TBCK: variants seen among roughly 807,000 people sequenced by gnomAD.
TBCK encodes TBC1 domain containing kinase.
In TBCK, 99 loss-of-function variants were observed where a neutral mutation model predicts 113.4. That is an observed-to-expected ratio of 0.87 (90% CI 0.74 to 1.03). The LOEUF is 1.03. TBCK is among the 50% of genes least tolerant of loss of function. TBCK has a pLI of 0.00. For missense variants in TBCK, 1,045 were observed against 1,061.3 expected (o/e 0.98, Z 0.21); for synonymous variants, 369 against 370.8 (o/e 1.00, Z 0.05).
At chr4:106,217,162 C>G (rs979379480) in intron 19 of TBCK, among the ~76,000 whole-genome samples, 4 of 151,826 alleles carry the variant, frequency 2.6e-5, no homozygotes, top group Non-Finnish European at 5.9e-5. Flanking sequence ...TGACAAAATT[C>G]AACAACCCTT....
chr4:106,125,013 A>T (rs1296837910), intron 23 of TBCK, among the ~76,000 whole-genome samples: 1 of 150,994 alleles, frequency 6.6e-6, no homozygotes, highest in African/African-American at 2.5e-5. Flanking sequence ...AAAAAAAAAA[A>T]AACACAATGT....
intron 24 of TBCK, among the ~76,000 whole-genome samples, chr4:106,112,744 C>T (rs2149559518): frequency 6.6e-6 from 1 of 152,304 alleles, no homozygotes; most frequent in South Asian, 2.1e-4. Flanking sequence ...CCACAGCTCA[C>T]TGCCTGGCCC....
intron 25 of TBCK, among the ~76,000 whole-genome samples, chr4:106,077,104 T>TA (rs1181972493): frequency 1.3e-5 from 2 of 151,688 alleles, no homozygotes; most frequent in Admixed American, 1.3e-4. Flanking sequence ...GAGTGTACCT[T>TA]AAAAAAACAA....
chr4:106,222,398 T>C (rs1470707721), intron 19 of TBCK, among the ~76,000 whole-genome samples: 1 of 152,150 alleles, frequency 6.6e-6, no homozygotes, highest in Non-Finnish European at 1.5e-5. Context: ...CAACTGTTTA[T>C]AAATAAGCCA....
intron 24 of TBCK, among the ~76,000 whole-genome samples, chr4:106,096,834 A>G (rs1455516588): frequency 6.6e-6 from 1 of 152,214 alleles, no homozygotes; most frequent in Admixed American, 6.5e-5. Flanking sequence ...TGCCTCTTCC[A>G]TAAAATTTGT....
At chr4:106,189,623 T>C (rs73838137) in intron 22 of TBCK, among the ~76,000 whole-genome samples, 6,863 of 152,232 alleles carry the variant, frequency 0.045, 514 homozygotes, top group African/African-American at 0.15. Context: ...TCACTCATGA[T>C]AGATCACCTT....
chr4:106,190,867 A>T (rs533685313), intron 22 of TBCK, among the ~76,000 whole-genome samples: 1 of 152,064 alleles, frequency 6.6e-6, no homozygotes, highest in East Asian at 1.9e-4. Context: ...CAGCCTCCCA[A>T]CTAGCTGAGA....
At chr4:106,296,040 C>T (rs1766266883) in intron 2 of TBCK, among the ~76,000 whole-genome samples, 1 of 152,060 alleles carries the variant, frequency 6.6e-6, no homozygotes, top group Admixed American at 6.5e-5. Context: ...TATTATAAAA[C>T]AGTGGTAGAC....
At chr4:106,047,396 CTGCTTTA>C (rs1734339544) in intron 25 of TBCK, among the ~76,000 whole-genome samples, 1 of 152,176 alleles carries the variant, frequency 6.6e-6, no homozygotes, top group African/African-American at 2.4e-5. Context: ...ATATAGCATA[CTGCTTTA>C]TGCTCAGACC....
intron 23 of TBCK, among the ~76,000 whole-genome samples, chr4:106,138,096 T>C (rs915520294): frequency 7.1e-6 from 1 of 141,368 alleles, no homozygotes; most frequent in Non-Finnish European, 1.6e-5. Flanking sequence ...ACTTATTTCA[T>C]GTATTTTTTA....
In TBCK at chr4:106,104,430, TC is replaced by T; in HGVS notation, c.2412-8790del. Among the ~76,000 whole-genome samples the T allele has an allele frequency of 1.3e-5, 2 of 152,234 alleles. 1 individual carries two copies. The highest frequency in any genetic ancestry group is 1.3e-4 in the Admixed American group (2 of 15,294). On this transcript the variant is annotated intron_variant, in intron 24 of 25. Coordinates refer to ENST00000394708, the MANE Select transcript of TBCK (RefSeq NM_001163435.3). ...CTGAGCTGACTCAGAGCAGAAGGAA[TC>T]CCACAGCACAGCATAGATGCTCTAC...
At chr4:106,116,784 C>T (rs1578944457) in intron 23 of TBCK, among the ~76,000 whole-genome samples, 1 of 151,832 alleles carries the variant, frequency 6.6e-6, no homozygotes, top group African/African-American at 2.4e-5. Context: ...GAATCTAATG[C>T]CTGATGATCT....
At position 106,251,877 on chromosome 4, in the gene TBCK, C is replaced by T; in HGVS notation, c.586G>A (p.Glu196Lys). The change falls in exon 6 of 26, where the codon GAG becomes AAG. Residue 196 changes from glutamate to lysine, a missense_variant. Physicochemically the swap from Glu to Lys is moderately conservative, Grantham distance 56. Coordinates refer to ENST00000394708, the MANE Select transcript of TBCK (RefSeq NM_001163435.3). ...TTCTTTATACATACCACACAAAGCT[C>T]AAATAAAATGATTCCAAGAGACCAT... The part of the protein sequence containing the change: ...DVWSLGIILF[E>K]LCVGRKLFQS... 6.2e-7 allele frequency: 1 copy of T among 1,600,568 alleles called. No homozygotes were observed. Among genetic ancestry groups the T allele is most frequent in the African/African-American group, 1.3e-5 (1 of 74,556 alleles).
chr4:106,086,152 C>CT (rs966097999), intron 25 of TBCK, among the ~76,000 whole-genome samples: 11 of 151,624 alleles, frequency 7.3e-5, no homozygotes, highest in South Asian at 2.1e-4. Flanking sequence ...AATCCAGGAG[C>CT]TTTTTTTTGA....
rs528640446 is a variant in TBCK at position 106,088,845 on chromosome 4, G to A, written c.2571+6637C>T. ...ATAGAGGAGCAGAAAACCAAACACC[G>A]CATGTTCTCGCTCACAAATGCGAGT... On this transcript the variant is annotated intron_variant, in intron 25 of 25. Transcript: ENST00000394708. Among the ~76,000 whole-genome samples the A allele has an allele frequency of 3.7e-4, 57 of 152,188 alleles. No homozygotes were observed. The East Asian group carries it at 7.2e-3, about 19-fold the overall frequency.
In TBCK at chr4:106,136,265, T is replaced by C. The variant is rs1746543637; in HGVS notation, c.2236-19887A>G. ...TTAAAACAATAAATAATAAAACTAC[T>C]CTTCAAGGAGTGAATCACTCCCAAG... On this transcript the variant is annotated intron_variant, in intron 23 of 25. Coordinates refer to ENST00000394708, the MANE Select transcript of TBCK (RefSeq NM_001163435.3). Among the ~76,000 whole-genome samples, 2 of 140,884 alleles carry C rather than the reference T, an allele frequency of 1.4e-5. 1 individual carries two copies. The highest frequency in any genetic ancestry group is 3.2e-5 in the Non-Finnish European group (2 of 62,098). The allele number at this position is 140,884 out of a possible 152,430, so 92.4% of individuals were successfully genotyped here.
In TBCK at chr4:106,042,289, T is replaced by C. The variant is rs1439951848; in HGVS notation, c.*4281A>G. 1 of 152,238 alleles carries C rather than the reference T, an allele frequency of 6.6e-6. No homozygotes were observed. The highest frequency in any genetic ancestry group is 1.9e-4 in the East Asian group (1 of 5,204). The allele number at this position is 152,238 out of a possible 1,614,324, so 9.4% of individuals were successfully genotyped here. A position where few individuals can be genotyped will look rare whatever the true frequency, so the allele number is the denominator to read the frequency against. Reference sequence around the variant, plus strand: ...GATAGAATGAAATATCTGCCAACCCTTTCTATATAGTCAAGGCAGCAGTCT... The same window carrying C: ...GATAGAATGAAATATCTGCCAACCCCTTCTATATAGTCAAGGCAGCAGTCT... On this transcript the variant is annotated 3_prime_UTR_variant, in exon 26 of 26. Transcript: ENST00000394708.
intron 25 of TBCK, among the ~76,000 whole-genome samples, 176 bp downstream of exon 25, chr4:106,095,306 G>A (rs1740772737): frequency 6.6e-6 from 1 of 152,142 alleles, no homozygotes. Context: ...AACACTGAAG[G>A]AAAAATGCTT....
At chr4:106,217,241 A>G (rs1168858239) in intron 19 of TBCK, among the ~76,000 whole-genome samples, 133 of 152,292 alleles carry the variant, frequency 8.7e-4, no homozygotes, top group Non-Finnish European at 1.1e-3. Flanking sequence ...GCTATCTATG[A>G]GAAACCCACA....
Sources: gnomAD v4.1 joint callset for allele counts (sites outside exome capture counted in the v4.1 genomes callset) on GRCh38, gnomAD v4.1.1 for gene constraint, MANE v1.5 for transcripts, NCBI Gene and HGNC (gene_info 2026-07-23, HGNC 2026-07-21) for gene names.